The following PTPRQ variants were observed in gnomAD, a reference collection of about 807,000 sequenced individuals.
PTPRQ encodes the protein protein tyrosine phosphatase receptor type Q.
PTPRQ carries 199 observed loss-of-function variants against 246.0 expected under a neutral mutation model. The ratio of observed to expected loss-of-function variants is 0.81; its 90% CI spans 0.72 to 0.91. The LOEUF (loss-of-function observed/expected upper bound fraction) is 0.91. PTPRQ is among the 40% of genes least tolerant of loss of function. PTPRQ has a pLI of 0.00. For missense variants in PTPRQ, 2,624 were observed against 2,528.4 expected (o/e 1.04, Z -0.81); for synonymous variants, 869 against 853.2 (o/e 1.02, Z -0.32).
intron 17 of PTPRQ, among the ~76,000 whole-genome samples, chr12:80,511,675 G>A (rs913395275): frequency 2.6e-5 from 4 of 152,132 alleles, no homozygotes; most frequent in Non-Finnish European, 2.9e-5. Context: ...TGACAAGAAA[G>A]AGCTTCTTGC....
At chr12:80,519,509 C>T (rs914891734) in intron 17 of PTPRQ, among the ~76,000 whole-genome samples, 1 of 152,098 alleles carries the variant, frequency 6.6e-6, no homozygotes, top group Non-Finnish European at 1.5e-5. Flanking sequence ...AAGTGTGCCT[C>T]CAGCAAAGAC....
rs1410418677 is a variant in PTPRQ, at chr12:80,483,308, T to C, written c.1187-1125T>C. 2.8e-5 allele frequency among the ~76,000 whole-genome samples: 4 copies of C among 141,084 alleles called. 1 individual carries two copies. Among genetic ancestry groups the C allele is most frequent in the Admixed American group, 7.3e-5 (1 of 13,664 alleles). 92.6% of individuals were successfully genotyped at this position (141,084 alleles called of 152,430 possible). On this transcript the variant is annotated intron_variant, in intron 8 of 44. Coordinates refer to ENST00000644991, the MANE Select transcript of PTPRQ (RefSeq NM_001145026.2). ...ACCAAACGCCGCATATTCTCACTCA[T>C]AGATGGGAATTGAACAATGAGATCA...
intron 4 of PTPRQ, 61 bp downstream of exon 4, chr12:80,457,705 A>G (rs949954373): frequency 4.0e-5 from 16 of 399,280 alleles, no homozygotes; most frequent in African/African-American, 6.2e-5. Context: ...TTAAAATAAT[A>G]AAGAACATAA....
At chr12:80,613,923 C>A in intron 29 of PTPRQ, 87 bp downstream of exon 29, 1 of 1,346,768 alleles carries the variant, frequency 7.4e-7, no homozygotes, top group Non-Finnish European at 9.6e-7. Flanking sequence ...TTTGTGTACA[C>A]ATGACATTTC....
chr12:80,482,823 G>A (rs1358562869), intron 8 of PTPRQ, among the ~76,000 whole-genome samples: 2 of 145,020 alleles, frequency 1.4e-5, no homozygotes, highest in Admixed American at 6.8e-5. Flanking sequence ...AAACCACAAT[G>A]AGATATCATC....
intron 8 of PTPRQ, among the ~76,000 whole-genome samples, chr12:80,483,778 C>T (rs1033617157): frequency 1.3e-5 from 2 of 151,728 alleles, no homozygotes; most frequent in African/African-American, 4.8e-5. Flanking sequence ...TGTTCCTCTC[C>T]CTGTGTCCAT....
intron 3 of PTPRQ, among the ~76,000 whole-genome samples, chr12:80,449,904 T>A (rs2120409694): frequency 6.6e-6 from 1 of 152,310 alleles, no homozygotes; most frequent in East Asian, 1.9e-4. Flanking sequence ...TTTTTCCAAT[T>A]CTGTGAAGAA....
At position 80,510,390 on chromosome 12, in the gene PTPRQ, G is replaced by T. The variant is rs1565754408; in HGVS notation, c.2625G>T (p.Trp875Cys). Residue 875 changes from tryptophan to cysteine, a missense_variant, in exon 17 of 45, where the codon TGG becomes TGT. Physicochemically the swap from Trp to Cys is radical, Grantham distance 215. Transcript: ENST00000644991. ...CTGGTGTCACGGTGAAGTTGTCATG[G>T]CAACCACCCCTGGAGCCAAATGGAA... ...QLSGVTVKLSWQPPLEPNGII... is the reference protein window; with the variant it reads ...QLSGVTVKLSCQPPLEPNGII... The T allele has an allele frequency of 1.9e-6, 3 of 1,549,998 alleles. No homozygotes were observed. Among genetic ancestry groups the T allele is most frequent in the Non-Finnish European group, 1.7e-6 (2 of 1,146,008 alleles).
chr12:80,529,216 A>G lies in PTPRQ; in HGVS notation c.2679-4799A>G, dbSNP rs796327375. ...GAAAATTAATGAACATCACTGGTTCATATGAGGAAAAAAATAATCTAATAA... is the reference window on the plus strand; with the variant it reads ...GAAAATTAATGAACATCACTGGTTCGTATGAGGAAAAAAATAATCTAATAA... On this transcript the variant is annotated intron_variant, in intron 17 of 44. Transcript: ENST00000644991. Among the ~76,000 whole-genome samples, 3 of 152,334 alleles carry G rather than the reference A, an allele frequency of 2.0e-5. No homozygotes were observed. In the South Asian group the frequency reaches 6.2e-4, roughly 32 times the overall value.
intron 31 of PTPRQ, among the ~76,000 whole-genome samples, chr12:80,619,803 A>T (rs1898909550): frequency 6.6e-6 from 1 of 151,634 alleles, no homozygotes; most frequent in Non-Finnish European, 1.5e-5. Flanking sequence ...AGAAAGGCAC[A>T]GTTAAAATAT....
intron 14 of PTPRQ, among the ~76,000 whole-genome samples, chr12:80,502,838 G>T (rs895183061): frequency 6.6e-6 from 1 of 151,828 alleles, no homozygotes. Flanking sequence ...GGTAAAGTAA[G>T]GTGGGGGAAA....
intron 39 of PTPRQ, among the ~76,000 whole-genome samples, chr12:80,663,824 T>C (rs1900704619): frequency 6.6e-6 from 1 of 151,888 alleles, no homozygotes; most frequent in Non-Finnish European, 1.5e-5. Flanking sequence ...TGCAGATGTC[T>C]CACTATCTGT....
At position 80,616,573 on chromosome 12, in the gene PTPRQ, C is replaced by A. The variant is rs144788825; in HGVS notation, c.5230+307C>A. On this transcript the variant is annotated intron_variant, in intron 30 of 44. Coordinates refer to ENST00000644991, the MANE Select transcript of PTPRQ (RefSeq NM_001145026.2). ...TATTTGATGTTTCTTTAAATGTTAT[C>A]GAAAAGAAAGTGTGTTTAAATTGCC... 7.9e-5 allele frequency among the ~76,000 whole-genome samples: 12 copies of A among 150,950 alleles called. 2 individuals carry two copies. The highest frequency in any genetic ancestry group is 1.9e-4 in the African/African-American group (8 of 41,346).
intron 25 of PTPRQ, among the ~76,000 whole-genome samples, chr12:80,581,874 CA>C (rs1897450298): frequency 1.3e-5 from 2 of 152,074 alleles, no homozygotes; most frequent in African/African-American, 2.4e-5. Context: ...CACACTGAAA[CA>C]GAATTTTTTC....
intron 14 of PTPRQ, among the ~76,000 whole-genome samples, chr12:80,504,238 TATC>T (rs1356990446): frequency 1.3e-5 from 2 of 151,794 alleles, no homozygotes; most frequent in Non-Finnish European, 2.9e-5. Flanking sequence ...TCTTCAATAC[TATC>T]ATCCTTTTCA....
intron 33 of PTPRQ, among the ~76,000 whole-genome samples, chr12:80,629,729 G>A: frequency 6.6e-6 from 1 of 152,124 alleles, no homozygotes; most frequent in African/African-American, 2.4e-5. Flanking sequence ...CTTGTATGTT[G>A]AAAATAGGTG....
In PTPRQ at chr12:80,610,424, T is replaced by G. The variant is rs1898504846; in HGVS notation, c.4732-15T>G. 2.8e-6 allele frequency: 4 copies of G among 1,449,242 alleles called. 1 individual carries two copies. The highest frequency in any genetic ancestry group is 3.6e-6 in the Non-Finnish European group (4 of 1,100,404). The allele number at this position is 1,449,242 out of a possible 1,614,324, so 89.8% of individuals were successfully genotyped here. Reference sequence around the variant, plus strand: ...AAGTGCTGCTTCCTTAATTTTTACTTATATTTTCCTATAGGTAGATAATGA... The same window carrying G: ...AAGTGCTGCTTCCTTAATTTTTACTGATATTTTCCTATAGGTAGATAATGA... On this transcript the variant is annotated splice_polypyrimidine_tract_variant and intron_variant, in intron 27 of 44. Transcript: ENST00000644991.
intron 35 of PTPRQ, among the ~76,000 whole-genome samples, chr12:80,647,942 G>T (rs1163026): frequency 6.6e-6 from 1 of 151,810 alleles, no homozygotes; most frequent in East Asian, 1.9e-4. Flanking sequence ...GTAATACCTG[G>T]TCCAGCATCC....
rs1470976481 is a variant in PTPRQ at position 80,506,102 on chromosome 12, G to A, written c.2351G>A (p.Ser784Asn). Residue 784 changes from serine to asparagine, a missense_variant, in exon 15 of 45, where the codon AGT becomes AAT. By Grantham distance (46) the Ser-to-Asn change is conservative. Transcript: ENST00000644991. ...GEIELSFLPPSSPNGIIQKYT... is the reference protein window; with the variant it reads ...GEIELSFLPPNSPNGIIQKYT... ...ATTGAGCTATCATTCCTTCCCCCAA[G>A]TAGTCCCAATGGAATCATACAAAAA... is the stretch of plus-strand genomic sequence containing the variant. 1.9e-6 allele frequency: 3 copies of A among 1,543,904 alleles called. No individual in the cohort carries two copies. In the East Asian group the frequency reaches 7.4e-5, roughly 38 times the overall value.
Sources: gnomAD v4.1 joint callset for allele counts (sites outside exome capture counted in the v4.1 genomes callset) on GRCh38, gnomAD v4.1.1 for gene constraint, MANE v1.5 for transcripts, NCBI Gene and HGNC (gene_info 2026-07-23, HGNC 2026-07-21) for gene names.